The following KIAA1217 variants were observed in gnomAD, a reference collection of about 807,000 sequenced individuals.
The protein encoded by KIAA1217 is KIAA1217.
A neutral mutation model predicts 163.9 loss-of-function variants in KIAA1217; 88 were observed. The observed-to-expected ratio is 0.54, with a 90% CI of 0.45 to 0.64. The LOEUF is 0.64. Ranked by LOEUF, KIAA1217 falls within the 30% of genes least tolerant of loss-of-function variation. KIAA1217 has a pLI of 0.00. For missense variants in KIAA1217, 2,372 were observed against 2,475.0 expected (o/e 0.96, Z 0.88); for synonymous variants, 903 against 923.1 (o/e 0.98, Z 0.39).
At chr10:24,524,176 G>T (rs968782619) in intron 12 of KIAA1217, 147 bp from the exon 13 acceptor site, 2 of 722,264 alleles carry the variant, frequency 2.8e-6, no homozygotes, top group African/African-American at 3.5e-5. Context: ...CCAGCAGAAA[G>T]GGATATGTCT....
chr10:24,274,004 A>G (rs1302913050), intron 2 of KIAA1217, among the ~76,000 whole-genome samples: 1 of 152,170 alleles, frequency 6.6e-6, no homozygotes, highest in African/African-American at 2.4e-5. Context: ...TAGTACCAAT[A>G]AATTAGACGC....
intron 2 of KIAA1217, among the ~76,000 whole-genome samples, chr10:24,334,703 T>C (rs17469499): frequency 0.11 from 16,806 of 152,212 alleles, 980 homozygotes; most frequent in East Asian, 0.16. Context: ...CACTCACCAT[T>C]GTAACTCTAC....
chr10:24,404,566 C>CAAAAAAAAAAAAAAAAAA (rs57209065), intron 3 of KIAA1217, among the ~76,000 whole-genome samples: 1 of 51,182 alleles, frequency 2.0e-5, no homozygotes, highest in Non-Finnish European at 3.7e-5. Flanking sequence ...GACTCTGTCT[C>CAAAAAAAAAAAAAAAAAA]AAAAAAAAAA....
At chr10:23,895,923 G>C (rs931271730) in intron 1 of KIAA1217, among the ~76,000 whole-genome samples, 3 of 146,298 alleles carry the variant, frequency 2.1e-5, no homozygotes, top group African/African-American at 7.6e-5. Context: ...ATTCTCACTC[G>C]TAGGTGGGAA....
chr10:23,901,913 CAA>C (rs71397922), intron 1 of KIAA1217, among the ~76,000 whole-genome samples: 24,717 of 98,188 alleles, frequency 0.25, 2,088 homozygotes, highest in Middle Eastern at 0.38. Flanking sequence ...GACTCTATCT[CAA>C]AAAAAAAAAA....
intron 2 of KIAA1217, among the ~76,000 whole-genome samples, chr10:24,312,612 C>A (rs567258683): frequency 6.6e-6 from 1 of 151,336 alleles, no homozygotes; most frequent in East Asian, 2.0e-4. Context: ...AATGAGACTC[C>A]ATTTCAAAAC....
At chr10:24,346,532 G>A (rs937180007) in intron 2 of KIAA1217, among the ~76,000 whole-genome samples, 1 of 148,922 alleles carries the variant, frequency 6.7e-6, no homozygotes, top group Non-Finnish European at 1.5e-5. Context: ...TCATTCATCT[G>A]TCAAAGGACA....
intron 1 of KIAA1217, among the ~76,000 whole-genome samples, chr10:23,847,620 A>G (rs947878036): frequency 1.3e-5 from 2 of 151,596 alleles, no homozygotes; most frequent in Non-Finnish European, 2.9e-5. Flanking sequence ...CTTCTTTGTT[A>G]TTCTGGCTAT....
At chr10:24,427,288 T>C (rs2059252903) in intron 3 of KIAA1217, among the ~76,000 whole-genome samples, 1 of 150,752 alleles carries the variant, frequency 6.6e-6, no homozygotes, top group African/African-American at 2.4e-5. Flanking sequence ...GACGGGAATC[T>C]TTTTTCTGAG....
At chr10:24,381,184 T>G (rs771132425) in intron 3 of KIAA1217, 117 bp downstream of exon 3, 35 of 751,680 alleles carry the variant, frequency 4.7e-5, no homozygotes, top group Non-Finnish European at 6.2e-5. Flanking sequence ...GCAAATACTC[T>G]AGTACTGGGA....
intron 1 of KIAA1217, among the ~76,000 whole-genome samples, chr10:23,729,589 T>C (rs1026576144): frequency 5.9e-5 from 9 of 152,180 alleles, no homozygotes; most frequent in Admixed American, 3.3e-4. Flanking sequence ...ATTACTTCTT[T>C]AGTAGGGTGT....
chr10:23,999,154 G>T (rs984978351), intron 1 of KIAA1217, among the ~76,000 whole-genome samples: 22 of 152,272 alleles, frequency 1.4e-4, no homozygotes, highest in Admixed American at 7.8e-4. Flanking sequence ...AAATAAAGCG[G>T]TTTGCATGGT....
intron 1 of KIAA1217, among the ~76,000 whole-genome samples, chr10:23,984,515 A>C (rs1415637993): frequency 6.6e-6 from 1 of 152,164 alleles, no homozygotes; most frequent in East Asian, 1.9e-4. Context: ...AACCAACCCA[A>C]ATGCCCATTA....
intron 2 of KIAA1217, among the ~76,000 whole-genome samples, chr10:24,364,760 T>C (rs2050532783): frequency 6.6e-6 from 1 of 151,950 alleles, no homozygotes; most frequent in African/African-American, 2.4e-5. Context: ...CTGCCTTCCT[T>C]CCTTTCTTTC....
chr10:24,092,500 T>A (rs983379688), intron 2 of KIAA1217, among the ~76,000 whole-genome samples: 4 of 151,824 alleles, frequency 2.6e-5, no homozygotes, highest in African/African-American at 9.7e-5. Flanking sequence ...TGAAAATAAC[T>A]AACCTGTCCC....
intron 2 of KIAA1217, among the ~76,000 whole-genome samples, chr10:24,039,540 G>T (rs564785159): frequency 3.4e-4 from 52 of 152,204 alleles, no homozygotes; most frequent in African/African-American, 1.2e-3. Context: ...CAGACGGTTT[G>T]CCCAACTGTA....
chr10:24,153,962 T>A (rs943871377), intron 2 of KIAA1217, among the ~76,000 whole-genome samples: 1 of 150,884 alleles, frequency 6.6e-6, no homozygotes, highest in African/African-American at 2.4e-5. Flanking sequence ...AAAAATATTT[T>A]TTTTTTTTTT....
At chr10:23,835,660 C>A (rs1269165787) in intron 1 of KIAA1217, among the ~76,000 whole-genome samples, 1 of 152,100 alleles carries the variant, frequency 6.6e-6, no homozygotes, top group Non-Finnish European at 1.5e-5. Flanking sequence ...ACTGAAATTT[C>A]TTTCTGCCAC....
intron 2 of KIAA1217, among the ~76,000 whole-genome samples, chr10:24,300,031 T>C (rs1447691666): frequency 6.6e-6 from 1 of 152,188 alleles, no homozygotes; most frequent in Non-Finnish European, 1.5e-5. Flanking sequence ...CTTCCTGTGA[T>C]TTCTCTGCTA....
Sources: gnomAD v4.1 joint callset for allele counts (sites outside exome capture counted in the v4.1 genomes callset) on GRCh38, gnomAD v4.1.1 for gene constraint, MANE v1.5 for transcripts, NCBI Gene and HGNC (gene_info 2026-07-23, HGNC 2026-07-21) for gene names.